The following HPS1 variants were observed in gnomAD, a reference collection of about 807,000 sequenced individuals.
The protein encoded by HPS1 is HPS1 biogenesis of lysosomal organelles complex 3 subunit 1, also known as BLOC-3 complex member HPS1.
In HPS1, 59 loss-of-function variants were observed where a neutral mutation model predicts 90.6. The ratio of observed to expected loss-of-function variants is 0.65; its 90% CI spans 0.53 to 0.81. HPS1 has a LOEUF of 0.81. Among genes scored for constraint, HPS1 ranks in the 30% least tolerant of loss-of-function variants. HPS1 has a pLI of 0.00. For synonymous variants in HPS1, 388 were observed against 384.4 expected, an observed-to-expected ratio of 1.01 and a Z score of -0.11; for missense variants, 849 against 896.7, an observed-to-expected ratio of 0.95 and a Z score of 0.68.
rs763325791 is a variant in HPS1, at chr10:98,429,793, T to C, written c.865A>G (p.Thr289Ala). 23 of 1,613,672 alleles carry C rather than the reference T, an allele frequency of 1.4e-5. No homozygotes were observed. Among genetic ancestry groups the C allele is most frequent in the Non-Finnish European group, 1.9e-5 (22 of 1,179,934 alleles). The change falls in exon 9 of 20, where the codon ACG (threonine) becomes GCG (alanine). Residue 289 changes from threonine to alanine, a missense_variant and splice_region_variant. By Grantham distance (58) the Thr-to-Ala change is moderately conservative. Coordinates refer to ENST00000361490, the MANE Select transcript of HPS1 (RefSeq NM_000195.5). ...TGPTGGSSAE[T>A]ETDSFSLPEE... ...TCCACGAAGTGCACAGCACACACCGTCTCTGCAGAGCTCCCCCCAGTTGGG... is the reference window on the plus strand; with the variant it reads ...TCCACGAAGTGCACAGCACACACCGCCTCTGCAGAGCTCCCCCCAGTTGGG...
intron 3 of HPS1, among the ~76,000 whole-genome samples, chr10:98,440,218 G>A (rs1938171909): frequency 6.6e-6 from 1 of 152,092 alleles, no homozygotes; most frequent in Non-Finnish European, 1.5e-5. Context: ...TATATTACTT[G>A]GCGGAATTAT....
chr10:98,444,077 C>T (rs1294589309), intron 2 of HPS1, among the ~76,000 whole-genome samples: 3 of 147,820 alleles, frequency 2.0e-5, no homozygotes, highest in Non-Finnish European at 3.0e-5. Flanking sequence ...CAAAAAACAG[C>T]TCCAGAAGAT....
At position 98,445,109 on chromosome 10, in the gene HPS1, G is replaced by A. The variant is rs1047209242; in HGVS notation, c.-1+191C>T. 2.0e-5 allele frequency among the ~76,000 whole-genome samples: 3 copies of A among 152,148 alleles called. No homozygotes were observed. Among genetic ancestry groups the A allele is most frequent in the Non-Finnish European group, 4.4e-5 (3 of 68,022 alleles). On this transcript the variant is annotated intron_variant, in intron 2 of 19. Transcript: ENST00000361490. This position sits in a 1 kb window ranked among gnomAD's most constrained non-coding sequence, Gnocchi z 4.5. ...AGGCTGTGATGACCTGCCTGGATTC[G>A]AGGGGTGAAGGAGAGATGAGGCATC...
At chr10:98,430,738 G>A (rs1435869950) in intron 7 of HPS1, 68 bp from the exon 8 acceptor site, 2 of 1,315,336 alleles carry the variant, frequency 1.5e-6, no homozygotes, top group Non-Finnish European at 1.1e-6. Context: ...GCAGGTTAAA[G>A]GAGTGTGGAG....
chr10:98,441,393 A>G (rs1231570690), intron 3 of HPS1, among the ~76,000 whole-genome samples: 2 of 152,220 alleles, frequency 1.3e-5, no homozygotes, highest in Non-Finnish European at 2.9e-5. Flanking sequence ...GTAGATCATC[A>G]GACCTGATAT....
At position 98,443,208 on chromosome 10, in the gene HPS1, T is replaced by G. The variant is rs1376864143; in HGVS notation, c.33A>C (p.Ala11=). The G allele has an allele frequency of 1.2e-6, 2 of 1,613,994 alleles. No individual in the cohort carries two copies. The highest frequency in any genetic ancestry group is 1.7e-6 in the Non-Finnish European group (2 of 1,180,010). Residue 11 remains alanine, a synonymous_variant, in exon 3 of 20, where the codon GCA becomes GCC. Coordinates refer to ENST00000361490, the MANE Select transcript of HPS1 (RefSeq NM_000195.5). MKCVLVATEG[A]EVLFYWTDQE... ...GATCTGTCCAGTAGAAGAGGACCTC[T>G]GCGCCCTCAGTGGCCACCAAGACGC...
intron 10 of HPS1, among the ~76,000 whole-genome samples, chr10:98,428,290 CT>C (rs908523492): frequency 5.9e-5 from 9 of 152,206 alleles, no homozygotes; most frequent in African/African-American, 1.9e-4. Flanking sequence ...CATTTGGGGA[CT>C]TTTACAAAAT....
intron 2 of HPS1, among the ~76,000 whole-genome samples, chr10:98,443,792 G>T (rs184273820): frequency 2.1e-3 from 315 of 152,294 alleles, no homozygotes; most frequent in Non-Finnish European, 3.5e-3. Flanking sequence ...CAGCACTTTG[G>T]GAGGCCAAGG....
intron 7 of HPS1, 62 bp from the exon 8 acceptor site, chr10:98,430,732 G>T: frequency 7.2e-7 from 1 of 1,382,844 alleles, no homozygotes; most frequent in South Asian, 1.2e-5. Flanking sequence ...GGGCAGGCAG[G>T]TTAAAGGAGT....
At chr10:98,422,552 AG>A (rs1327730134) in intron 16 of HPS1, 39 bp from the exon 17 acceptor site, 1 of 1,608,578 alleles carries the variant, frequency 6.2e-7, no homozygotes, top group Non-Finnish European at 8.5e-7. Context: ...GCCAGGAGCT[AG>A]GGACGGCCTG....
chr10:98,431,224 A>G lies in HPS1; in HGVS notation c.575T>C (p.Ile192Thr), dbSNP rs764128905. 9.3e-6 allele frequency: 15 copies of G among 1,614,056 alleles called. No individual in the cohort carries two copies. Among genetic ancestry groups the G allele is most frequent in the Non-Finnish European group, 1.3e-5 (15 of 1,180,032 alleles). The change falls in exon 7 of 20, where the codon ATC becomes ACC. Residue 192 changes from isoleucine to threonine, a missense_variant. Physicochemically the swap from Ile to Thr is moderately conservative, Grantham distance 89. Transcript: ENST00000361490. Reference protein sequence around the residue: ...LCIEALERHVIQAVNTSPERG... With the variant: ...LCIEALERHVTQAVNTSPERG... ...CTCGGGGCTGGTGTTGACAGCCTGG[A>G]TGACGTGCCGCTCCAGCGCCTCTAT...
chr10:98,415,972 C>G (rs770133002), downstream of HPS1, among the ~76,000 whole-genome samples: 4 of 152,178 alleles, frequency 2.6e-5, no homozygotes, highest in Non-Finnish European at 5.9e-5. Flanking sequence ...ATTAGGAGCC[C>G]CTTTGTTCTC....
In HPS1 at chr10:98,445,144, G is replaced by C. The variant is rs1939259841; in HGVS notation, c.-1+156C>G. On this transcript the variant is annotated intron_variant, in intron 2 of 19. Transcript: ENST00000361490. This position sits in a 1 kb window ranked among gnomAD's most constrained non-coding sequence, Gnocchi z 4.5. Reference sequence around the variant, plus strand: ...GGAGAGATGAGGCATCAGGATGGGGGTGGCCTCAGGATGCAGGGCTGGGGA... The same window carrying C: ...GGAGAGATGAGGCATCAGGATGGGGCTGGCCTCAGGATGCAGGGCTGGGGA... Among the ~76,000 whole-genome samples the C allele has an allele frequency of 6.6e-6, 1 of 152,122 alleles. No homozygotes were observed. The highest frequency in any genetic ancestry group is 2.1e-4 in the South Asian group (1 of 4,824).
At chr10:98,429,294 A>G (rs77049112) in intron 10 of HPS1, 4 of 1,340,584 alleles carry the variant, frequency 3.0e-6, no homozygotes, top group Non-Finnish European at 2.9e-6. Flanking sequence ...ATTACAAAAA[A>G]GATGAGTCTG....
rs1019584317 is a variant in HPS1 at position 98,416,448 on chromosome 10, G to A, written c.*1116C>T. On this transcript the variant is annotated 3_prime_UTR_variant, in exon 20 of 20. Transcript: ENST00000361490. ...GATGTTAAGGAGGAACACAGATCCA[G>A]TCACCTGAGGGGATACTTCCTCACT... is the stretch of plus-strand genomic sequence containing the variant. 10 of 152,336 alleles carry A rather than the reference G, an allele frequency of 6.6e-5. No individual in the cohort carries two copies. The highest frequency in any genetic ancestry group is 2.4e-4 in the African/African-American group (10 of 41,444). The allele number at this position is 152,336 out of a possible 1,614,324, so 9.4% of individuals were successfully genotyped here.
chr10:98,415,820 TG>T (rs1844033760), downstream of HPS1, among the ~76,000 whole-genome samples: 1 of 152,248 alleles, frequency 6.6e-6, no homozygotes, highest in African/African-American at 2.4e-5. Context: ...TGTAATTCTC[TG>T]GTGTTTTAGT....
Position 98,435,504 on chromosome 10 carries a change from G to T in HPS1, c.256-90C>A. 1 of 1,609,834 alleles carries T rather than the reference G, an allele frequency of 6.2e-7. No individual in the cohort carries two copies. The highest frequency in any genetic ancestry group is 8.5e-7 in the Non-Finnish European group (1 of 1,176,582). ...CTGCAGACAAGCCAGGGGAGGCTCG[G>T]GTCCCAGGCGGGTTTGATAAGATGC... On this transcript the variant is annotated intron_variant, in intron 4 of 19. Coordinates refer to ENST00000361490, the MANE Select transcript of HPS1 (RefSeq NM_000195.5). This position sits in a 1 kb window ranked among gnomAD's most constrained non-coding sequence, Gnocchi z 4.3.
chr10:98,438,866 C>T (rs1937870343), intron 3 of HPS1, among the ~76,000 whole-genome samples: 1 of 152,176 alleles, frequency 6.6e-6, no homozygotes, highest in Non-Finnish European at 1.5e-5. Context: ...GGCCTGGAGG[C>T]CTAGGAAGAA....
intron 7 of HPS1, 43 bp from the exon 8 acceptor site, chr10:98,430,713 C>T: frequency 5.4e-6 from 8 of 1,485,712 alleles, no homozygotes; most frequent in Non-Finnish European, 6.4e-6. Flanking sequence ...ACATGCCCAG[C>T]AGGAGACGGG....
Sources: allele counts gnomAD v4.1 joint callset (sites outside exome capture counted in the v4.1 genomes callset), GRCh38; gene constraint gnomAD v4.1.1; non-coding constraint Gnocchi (gnomAD v3.1); transcripts MANE v1.5; gene names NCBI Gene and HGNC (gene_info 2026-07-23, HGNC 2026-07-21).